Variants in FAM221A observed in about 807,000 individuals in gnomAD.
The protein encoded by FAM221A is family with sequence similarity 221 member A, also known as protein FAM221A.
FAM221A carries 43 observed loss-of-function variants against 37.6 expected under a neutral mutation model. That is an observed-to-expected ratio of 1.15 (90% CI 0.90 to 1.48). The LOEUF (loss-of-function observed/expected upper bound fraction) is 1.48. FAM221A is among the 40% of genes most tolerant of loss of function. FAM221A has a pLI of 0.00. For missense variants in FAM221A, 361 were observed against 361.5 expected, an observed-to-expected ratio of 1.00 and a Z score of 0.01; for synonymous variants, 135 against 132.9, an observed-to-expected ratio of 1.02 and a Z score of -0.11.
chr7:23,689,255 T>C lies in FAM221A; in HGVS notation c.240-14T>C, dbSNP rs757342859. On this transcript the variant is annotated splice_polypyrimidine_tract_variant and intron_variant, in intron 2 of 6. Coordinates refer to ENST00000344962, the MANE Select transcript of FAM221A (RefSeq NM_199136.5). ...GTATTGTGTTTATATTTCTCTCTCT[T>C]TCTCCTTTTTTAGGTATAAACAACA... 161 of 1,498,392 alleles carry C rather than the reference T, an allele frequency of 1.1e-4. No individual in the cohort carries two copies. Among genetic ancestry groups the C allele is most frequent in the Non-Finnish European group, 7.8e-5 (86 of 1,099,708 alleles). The allele number at this position is 1,498,392 out of a possible 1,614,324, so 92.8% of individuals were successfully genotyped here.
intron 1 of FAM221A, among the ~76,000 whole-genome samples, 184 bp downstream of exon 1, chr7:23,680,467 G>A (rs1489807928): frequency 6.6e-6 from 1 of 152,156 alleles, no homozygotes; most frequent in African/African-American, 2.4e-5. Context: ...GTAGGGCCAC[G>A]CGGTTCTATG....
chr7:23,688,341 C>T (rs13237857), intron 2 of FAM221A: 70,836 of 152,080 alleles, frequency 0.47, 17,740 homozygotes, highest in South Asian at 0.68. Context: ...CCACCGCAAC[C>T]GGCCTTTAAT....
chr7:23,696,827 A>G (rs1156940910), intron 4 of FAM221A, among the ~76,000 whole-genome samples: 1 of 152,174 alleles, frequency 6.6e-6, no homozygotes, highest in Non-Finnish European at 1.5e-5. Context: ...ATTTTTAGCC[A>G]TGTGGATACC....
chr7:23,681,081 C>A (rs1178323191), intron 1 of FAM221A, among the ~76,000 whole-genome samples: 5 of 152,186 alleles, frequency 3.3e-5, no homozygotes, highest in Non-Finnish European at 7.3e-5. Context: ...ACTGTTCTCC[C>A]CTGCTCTGAC....
chr7:23,684,688 G>A lies in FAM221A; in HGVS notation c.239+16G>A, dbSNP rs779260475. Reference sequence around the variant, plus strand: ...GTACACATAGGTAAGATACTTTATTGCAAAGTTTTTTGATAATTAGAAAAT... The same window carrying A: ...GTACACATAGGTAAGATACTTTATTACAAAGTTTTTTGATAATTAGAAAAT... On this transcript the variant is annotated intron_variant, in intron 2 of 6. Transcript: ENST00000344962. 1 of 1,570,990 alleles carries A rather than the reference G, an allele frequency of 6.4e-7. No individual in the cohort carries two copies. The highest frequency in any genetic ancestry group is 2.2e-5 in the East Asian group (1 of 44,462).
chr7:23,699,023 C>T (rs998002152), intron 5 of FAM221A, among the ~76,000 whole-genome samples: 12 of 151,784 alleles, frequency 7.9e-5, no homozygotes, highest in Non-Finnish European at 1.3e-4. Flanking sequence ...AGCCAAGACA[C>T]AGAGGAAAGT....
At chr7:23,700,651 C>T in intron 5 of FAM221A, 135 bp from the exon 6 acceptor site, 1 of 584,084 alleles carries the variant, frequency 1.7e-6, no homozygotes, top group African/African-American at 1.9e-5. Flanking sequence ...GTAGTAGGAC[C>T]AATTATTCAT....
chr7:23,702,208 A>G lies in FAM221A; in HGVS notation c.*44A>G, dbSNP rs746105472. ...AAACCATCATCCAAGTATCTTTTTC[A>G]TGTTTATTTAAATGTAATAATACAG... On this transcript the variant is annotated 3_prime_UTR_variant, in exon 7 of 7. Coordinates refer to ENST00000344962, the MANE Select transcript of FAM221A (RefSeq NM_199136.5). The G allele has an allele frequency of 5.0e-5, 64 of 1,280,892 alleles. No homozygotes were observed. Among genetic ancestry groups the G allele is most frequent in the Non-Finnish European group, 6.7e-5 (62 of 923,390 alleles). The allele number at this position is 1,280,892 out of a possible 1,614,324, so 79.3% of individuals were successfully genotyped here.
intron 3 of FAM221A, among the ~76,000 whole-genome samples, chr7:23,690,725 C>T (rs147255620): frequency 3.7e-4 from 57 of 152,270 alleles, no homozygotes; most frequent in African/African-American, 1.3e-3. Context: ...CATTTCAGAA[C>T]ATTTTTCTCA....
chr7:23,691,121 T>G (rs1235460654), intron 3 of FAM221A, among the ~76,000 whole-genome samples: 1 of 152,154 alleles, frequency 6.6e-6, no homozygotes, highest in East Asian at 1.9e-4. Context: ...AATTCAGTTT[T>G]TGAGGAGAGG....
In FAM221A at chr7:23,692,106, CAT is replaced by C. The variant is rs143387011; in HGVS notation, c.637+515_637+516del. On this transcript the variant is annotated intron_variant, in intron 4 of 6. Transcript: ENST00000344962. ...ATATGTATATATGTATGTGCACACA[CAT>C]ATATCTTCTTGCATACATATATGTT... 4,968 of 650,176 alleles carry C rather than the reference CAT, an allele frequency of 7.6e-3. 210 individuals carry two copies. In the African/African-American group the frequency reaches 0.089, roughly 12 times the overall value. The allele number at this position is 650,176 out of a possible 1,614,324, so 40.3% of individuals were successfully genotyped here. A position where few individuals can be genotyped will look rare whatever the true frequency, so the allele number is the denominator to read the frequency against.
intron 4 of FAM221A, among the ~76,000 whole-genome samples, chr7:23,696,175 G>A (rs1208728963): frequency 6.6e-6 from 1 of 152,214 alleles, no homozygotes; most frequent in Non-Finnish European, 1.5e-5. Context: ...CTACTGTACT[G>A]AATGCTGTAG....
intron 2 of FAM221A, among the ~76,000 whole-genome samples, chr7:23,686,013 A>G (rs1784344436): frequency 6.6e-6 from 1 of 152,224 alleles, no homozygotes; most frequent in Non-Finnish European, 1.5e-5. Context: ...GCAGTTTGCC[A>G]AAGTTTGTTA....
At chr7:23,694,571 C>A (rs1047227660) in intron 4 of FAM221A, 3 of 152,182 alleles carry the variant, frequency 2.0e-5, no homozygotes, top group African/African-American at 7.2e-5. Context: ...GTACTACCAG[C>A]AGTTGTTTGA....
At chr7:23,681,489 G>T (rs1478675385) in intron 1 of FAM221A, among the ~76,000 whole-genome samples, 1 of 152,080 alleles carries the variant, frequency 6.6e-6, no homozygotes, top group East Asian at 1.9e-4. Flanking sequence ...GCGCGATCTC[G>T]GCTCACCGCA....
chr7:23,702,145 C>G lies in FAM221A; in HGVS notation c.878C>G (p.Ser293Ter). 6.3e-7 allele frequency: 1 copy of G among 1,599,350 alleles called. No homozygotes were observed. The highest frequency in any genetic ancestry group is 1.1e-5 in the South Asian group (1 of 87,936). The change falls in exon 7 of 7, where the codon TCA becomes TGA. Residue 293 changes from serine (S) to a stop codon, truncating the protein, a stop_gained. Transcript: ENST00000344962. LOFTEE classifies it high-confidence loss of function. ...AKWKGKAPLP[S>*]ATKPS ...TGGAAAGGAAAAGCTCCATTGCCAT[C>G]AGCTACAAAACCTTCATGAAGACTA...
chr7:23,700,793 A>T lies in FAM221A; in HGVS notation c.753A>T (p.Thr251=), dbSNP rs890209935. 6.3e-6 allele frequency: 10 copies of T among 1,597,474 alleles called. No individual in the cohort carries two copies. The highest frequency in any genetic ancestry group is 1.3e-5 in the African/African-American group (1 of 74,344). ...SSPETLTDVG[T]SSQVSSLRRP... ...ATTTTTTTTCCTTGTTAGTAGGTAC[A>T]AGTAGTCAAGTTTCTTCATTAAGGA... Residue 251 remains threonine, a synonymous_variant, in exon 6 of 7, where the codon ACA becomes ACT. Coordinates refer to ENST00000344962, the MANE Select transcript of FAM221A (RefSeq NM_199136.5).
chr7:23,689,143 C>A, intron 2 of FAM221A, 126 bp from the exon 3 acceptor site: 1 of 599,348 alleles, frequency 1.7e-6, no homozygotes, highest in Non-Finnish European at 2.7e-6. Flanking sequence ...TTATTTTCAC[C>A]TTACTATGAA....
In FAM221A at chr7:23,692,330, ATTTTC is replaced by A. The variant is rs1166023238; in HGVS notation, c.637+749_637+753del. The A allele has an allele frequency of 4.0e-5, 20 of 498,116 alleles. No individual in the cohort carries two copies. In the East Asian group the frequency reaches 2.3e-3, roughly 58 times the overall value. The allele number at this position is 498,116 out of a possible 1,614,324, so 30.9% of individuals were successfully genotyped here. On this transcript the variant is annotated intron_variant, in intron 4 of 6. Coordinates refer to ENST00000344962, the MANE Select transcript of FAM221A (RefSeq NM_199136.5). ...AAAAATTACATAAATACAAGTGTAT[ATTTTC>A]TTTTCTTTTCTTTTTTTTTTTTTGA...
Sources: gnomAD v4.1 joint callset for allele counts (sites outside exome capture counted in the v4.1 genomes callset) on GRCh38, gnomAD v4.1.1 for gene constraint, MANE v1.5 for transcripts, NCBI Gene and HGNC (gene_info 2026-07-23, HGNC 2026-07-21) for gene names.